The following ADGRL3 variants were observed in gnomAD, a reference collection of about 807,000 sequenced individuals.
The protein encoded by ADGRL3 is adhesion G protein-coupled receptor L3.
Under a neutral mutation model 153.5 loss-of-function variants are expected in ADGRL3, and 62 were observed. That is an observed-to-expected ratio of 0.40 (90% CI 0.33 to 0.50). The LOEUF (loss-of-function observed/expected upper bound fraction) is 0.50, where lower values mean the gene tolerates loss of function less well. Among genes scored for constraint, ADGRL3 ranks in the 20% least tolerant of loss-of-function variants. The pLI is 0.47. For missense variants in ADGRL3, 1,641 were observed against 1,859.4 expected (o/e 0.88, Z 2.16); for synonymous variants, 710 against 672.5 (o/e 1.06, Z -0.86).
intron 1 of ADGRL3, among the ~76,000 whole-genome samples, chr4:61,305,257 G>A (rs2094735407): frequency 6.6e-6 from 1 of 151,888 alleles, no homozygotes; most frequent in Admixed American, 6.6e-5. Flanking sequence ...ATCTTCCTTG[G>A]AAGAATGAAT....
chr4:61,992,985 C>G (rs2099108613), intron 19 of ADGRL3, among the ~76,000 whole-genome samples: 1 of 152,026 alleles, frequency 6.6e-6, no homozygotes, highest in South Asian at 2.1e-4. Context: ...AAATAATCTT[C>G]TATAGAAGAT....
rs2151955359 is a variant in ADGRL3, at chr4:62,076,932, C to T, written c.*6024C>T. On this transcript the variant is annotated 3_prime_UTR_variant, in exon 27 of 27. Coordinates refer to ENST00000683033, the MANE Select transcript of ADGRL3 (RefSeq NM_001387552.1). ...ATTATGTACATTATACAAAATAATT[C>T]ATAACCAAGAAATATTCATACTATA... The T allele has an allele frequency of 6.6e-6, 1 of 151,026 alleles. No homozygotes were observed. Among genetic ancestry groups the T allele is most frequent in the South Asian group, 2.1e-4 (1 of 4,768 alleles). 9.4% of individuals were successfully genotyped at this position (151,026 alleles called of 1,614,324 possible). A position where few individuals can be genotyped will look rare whatever the true frequency, so the allele number is the denominator to read the frequency against.
intron 8 of ADGRL3, among the ~76,000 whole-genome samples, chr4:61,797,110 A>G (rs1398391264): frequency 2.6e-5 from 4 of 152,142 alleles, no homozygotes; most frequent in African/African-American, 9.7e-5. Flanking sequence ...CTTGCCTTTT[A>G]TCCTTACATG....
At chr4:61,834,233 T>C (rs1182710032) in intron 9 of ADGRL3, among the ~76,000 whole-genome samples, 2 of 151,928 alleles carry the variant, frequency 1.3e-5, no homozygotes, top group Non-Finnish European at 2.9e-5. Flanking sequence ...GTCCTTGCGA[T>C]AGTTTGCTGA....
chr4:61,649,374 G>A (rs1196063361), intron 5 of ADGRL3, among the ~76,000 whole-genome samples: 1 of 151,978 alleles, frequency 6.6e-6, no homozygotes, highest in African/African-American at 2.4e-5. Context: ...CCATATTAAA[G>A]GTTTAAGGTT....
chr4:61,533,550 T>C (rs545230816), intron 4 of ADGRL3, among the ~76,000 whole-genome samples: 142 of 152,318 alleles, frequency 9.3e-4, no homozygotes, highest in Non-Finnish European at 1.4e-3. Context: ...AGATAAACCA[T>C]TGAATAAAAT....
intron 1 of ADGRL3, among the ~76,000 whole-genome samples, chr4:61,256,187 A>G (rs908514557): frequency 1.3e-5 from 2 of 152,182 alleles, no homozygotes; most frequent in Non-Finnish European, 1.5e-5. Flanking sequence ...TGTTCTTTTC[A>G]ATCAGGTGGC....
rs901750938 is a variant in ADGRL3, at chr4:61,852,077, G to A, written c.1480+38188G>A. ...TACATGTTGGGAATCTTCGAGGGTG[G>A]AAAATAGCAAAACTGAGGGTAGCCA... On this transcript the variant is annotated intron_variant, in intron 9 of 26. Coordinates refer to ENST00000683033, the MANE Select transcript of ADGRL3 (RefSeq NM_001387552.1). Among the ~76,000 whole-genome samples the A allele has an allele frequency of 3.3e-5, 5 of 152,072 alleles. No individual in the cohort carries two copies. In the South Asian group the frequency reaches 6.2e-4, roughly 19 times the overall value.
At chr4:61,673,527 G>T in intron 5 of ADGRL3, among the ~76,000 whole-genome samples, 1 of 151,544 alleles carries the variant, frequency 6.6e-6, no homozygotes, top group East Asian at 1.9e-4. Context: ...ATTTTAGAAT[G>T]AATTTACTTT....
At chr4:61,358,614 A>AAAG (rs2096231522) in intron 1 of ADGRL3, among the ~76,000 whole-genome samples, 1 of 150,962 alleles carries the variant, frequency 6.6e-6, no homozygotes, top group Non-Finnish European at 1.5e-5. Context: ...AAAAAAAAAA[A>AAAG]AAAGAAAGCA....
chr4:61,759,500 G>C (rs2096882726), intron 8 of ADGRL3, among the ~76,000 whole-genome samples: 1 of 152,090 alleles, frequency 6.6e-6, no homozygotes, highest in Non-Finnish European at 1.5e-5. Flanking sequence ...CATAGTTTTT[G>C]TGCCTTGGTT....
intron 9 of ADGRL3, 142 bp downstream of exon 9, chr4:61,814,031 A>T: frequency 9.4e-7 from 1 of 1,062,760 alleles, no homozygotes; most frequent in Non-Finnish European, 1.3e-6. Context: ...TCTGGAGATA[A>T]AGCAAGTCTC....
At chr4:61,655,437 T>C (rs2094416950) in intron 5 of ADGRL3, among the ~76,000 whole-genome samples, 1 of 152,170 alleles carries the variant, frequency 6.6e-6, no homozygotes, top group Admixed American at 6.5e-5. Flanking sequence ...ATTATTTTCT[T>C]TAACAGTAAT....
intron 21 of ADGRL3, 117 bp from the exon 22 acceptor site, chr4:62,028,738 T>C (rs147209572): frequency 3.0e-6 from 2 of 670,106 alleles, no homozygotes; most frequent in East Asian, 5.7e-5. Flanking sequence ...AATGATTTCT[T>C]TTAGGGAGGT....
chr4:62,020,431 TACTGG>T (rs1481594237), intron 21 of ADGRL3, among the ~76,000 whole-genome samples: 2 of 152,002 alleles, frequency 1.3e-5, no homozygotes, highest in African/African-American at 4.8e-5. Flanking sequence ...AAGTAGAAAA[TACTGG>T]ACCTCCAAAA....
intron 19 of ADGRL3, among the ~76,000 whole-genome samples, chr4:61,988,038 T>G (rs1298529547): frequency 1.3e-5 from 2 of 152,122 alleles, no homozygotes; most frequent in East Asian, 1.9e-4. Flanking sequence ...TTTTGACAGA[T>G]ATGGAGATAA....
intron 2 of ADGRL3, chr4:61,428,245 A>G (rs2097306756): frequency 1.3e-5 from 2 of 152,540 alleles, no homozygotes; most frequent in Admixed American, 1.3e-4. Flanking sequence ...TCAGTGATAC[A>G]TTTATGCACT....
At chr4:61,949,649 C>T (rs532687802) in intron 17 of ADGRL3, among the ~76,000 whole-genome samples, 4 of 151,854 alleles carry the variant, frequency 2.6e-5, no homozygotes, top group African/African-American at 4.8e-5. Context: ...GAGCCGAGAT[C>T]GCACCAGTGC....
At chr4:61,469,457 T>G (rs1474417470) in intron 2 of ADGRL3, among the ~76,000 whole-genome samples, 1 of 152,060 alleles carries the variant, frequency 6.6e-6, no homozygotes, top group Non-Finnish European at 1.5e-5. Context: ...ATGACCCATG[T>G]AGTTCTCCTT....
Sources: gnomAD v4.1 joint callset for allele counts (sites outside exome capture counted in the v4.1 genomes callset) on GRCh38, gnomAD v4.1.1 for gene constraint, MANE v1.5 for transcripts, NCBI Gene and HGNC (gene_info 2026-07-23, HGNC 2026-07-21) for gene names.